The following GABBR2 variants were observed in gnomAD, a reference collection of about 807,000 sequenced individuals.
The protein encoded by GABBR2 is G-protein coupled receptor 51.
A neutral mutation model predicts 105.6 loss-of-function variants in GABBR2; 23 were observed. That is an observed-to-expected ratio of 0.22 (90% confidence interval 0.16 to 0.31). The LOEUF (loss-of-function observed/expected upper bound fraction) is 0.31, where lower values mean the gene tolerates loss of function less well. GABBR2 is among the 10% of genes least tolerant of loss of function. The pLI is 1.00. For missense variants in GABBR2, 734 were observed against 1,245.5 expected (o/e 0.59, Z 6.18); for synonymous variants, 478 against 499.7 (o/e 0.96, Z 0.58).
At chr9:98,512,512 T>C (rs1481834725) in intron 3 of GABBR2, among the ~76,000 whole-genome samples, 1 of 152,154 alleles carries the variant, frequency 6.6e-6, no homozygotes, top group Non-Finnish European at 1.5e-5. Context: ...GAAAACCCCA[T>C]CGTCTCAGCC....
At chr9:98,339,815 G>A (rs1221199783) in intron 13 of GABBR2, among the ~76,000 whole-genome samples, 1 of 152,172 alleles carries the variant, frequency 6.6e-6, no homozygotes, top group Non-Finnish European at 1.5e-5. Flanking sequence ...TCACATTCTA[G>A]TGAATGGTGT....
intron 12 of GABBR2, among the ~76,000 whole-genome samples, chr9:98,366,391 C>T (rs539227238): frequency 9.9e-5 from 15 of 152,256 alleles, no homozygotes; most frequent in Admixed American, 5.9e-4. Context: ...GAAATTTACA[C>T]CTTTACCATA....
chr9:98,646,788 T>C (rs761563507), intron 1 of GABBR2, among the ~76,000 whole-genome samples: 1 of 152,182 alleles, frequency 6.6e-6, no homozygotes, highest in Non-Finnish European at 1.5e-5. Context: ...GTCCCAAGGC[T>C]AGCAGAGTTC....
At position 98,288,839 on chromosome 9, in the gene GABBR2, A is replaced by G. The variant is rs1009189066; in HGVS notation, c.*1745T>C. ...AAATAGGGTGCTTTGAAATGTTGGCATTGGTAAGATTCCTGTGGGCCCTTT... is the reference window on the plus strand; with the variant it reads ...AAATAGGGTGCTTTGAAATGTTGGCGTTGGTAAGATTCCTGTGGGCCCTTT... On this transcript the variant is annotated 3_prime_UTR_variant, in exon 19 of 19. Coordinates refer to ENST00000259455, the MANE Select transcript of GABBR2 (RefSeq NM_005458.8). The G allele has an allele frequency of 6.6e-6, 1 of 152,606 alleles. No individual in the cohort carries two copies. Among genetic ancestry groups the G allele is most frequent in the African/African-American group, 2.4e-5 (1 of 41,440 alleles). 9.5% of individuals were successfully genotyped at this position (152,606 alleles called of 1,614,324 possible).
At chr9:98,509,013 A>G (rs2808564) in intron 3 of GABBR2, among the ~76,000 whole-genome samples, 7,286 of 152,308 alleles carry the variant, frequency 0.048, 261 homozygotes, top group South Asian at 0.13. Flanking sequence ...ACTGGGAGGC[A>G]CACCCCAGTA....
chr9:98,320,402 C>T (rs1487643683), intron 13 of GABBR2, among the ~76,000 whole-genome samples: 5 of 151,714 alleles, frequency 3.3e-5, no homozygotes, highest in Non-Finnish European at 4.4e-5. Context: ...AGTTCAACCA[C>T]TGTGGAAGTC....
At chr9:98,442,010 G>C (rs1424002143) in intron 7 of GABBR2, among the ~76,000 whole-genome samples, 1 of 152,202 alleles carries the variant, frequency 6.6e-6, no homozygotes, top group Non-Finnish European at 1.5e-5. Context: ...TTTCTCTTTG[G>C]TGCGTGCCTG....
intron 1 of GABBR2, among the ~76,000 whole-genome samples, chr9:98,694,028 G>T (rs1419341154): frequency 6.7e-6 from 1 of 149,648 alleles, no homozygotes; most frequent in Non-Finnish European, 1.5e-5. Flanking sequence ...ACACTGCCTG[G>T]CCCAGAACCC....
At chr9:98,591,352 C>T (rs1468840300) in intron 1 of GABBR2, among the ~76,000 whole-genome samples, 1 of 152,106 alleles carries the variant, frequency 6.6e-6, no homozygotes, top group African/African-American at 2.4e-5. Flanking sequence ...TGGGTGGGTT[C>T]GGACTGGCTT....
At chr9:98,480,340 A>G (rs890333818) in intron 5 of GABBR2, among the ~76,000 whole-genome samples, 1 of 152,150 alleles carries the variant, frequency 6.6e-6, no homozygotes, top group African/African-American at 2.4e-5. Context: ...ATTGGGGATC[A>G]GGTTAATGGG....
chr9:98,349,124 T>C (rs2131419606), intron 13 of GABBR2, among the ~76,000 whole-genome samples: 1 of 152,246 alleles, frequency 6.6e-6, no homozygotes, highest in East Asian at 1.9e-4. Context: ...TGTTGAATTT[T>C]TTTTTATCAT....
chr9:98,551,926 T>C (rs1450750725), intron 2 of GABBR2: 1 of 152,254 alleles, frequency 6.6e-6, no homozygotes, highest in Non-Finnish European at 1.5e-5. Flanking sequence ...CAAAAATCTA[T>C]GCTTCGCGAA....
At chr9:98,490,781 G>A (rs1433366628) in intron 4 of GABBR2, among the ~76,000 whole-genome samples, 1 of 152,160 alleles carries the variant, frequency 6.6e-6, no homozygotes, top group Non-Finnish European at 1.5e-5. Context: ...GAGTGCCCAG[G>A]ACGTGGTCTC....
At chr9:98,551,081 T>C (rs1828478516) in intron 2 of GABBR2, among the ~76,000 whole-genome samples, 1 of 152,174 alleles carries the variant, frequency 6.6e-6, no homozygotes, top group African/African-American at 2.4e-5. Flanking sequence ...AGAGTTTTTA[T>C]GAACACACGT....
chr9:98,416,340 A>G, intron 7 of GABBR2, among the ~76,000 whole-genome samples: 1 of 152,234 alleles, frequency 6.6e-6, no homozygotes, highest in East Asian at 1.9e-4. Flanking sequence ...AGGAGGCCAC[A>G]AATCAGCATG....
intron 1 of GABBR2, among the ~76,000 whole-genome samples, chr9:98,616,087 C>G (rs2131817643): frequency 6.6e-6 from 1 of 152,314 alleles, no homozygotes; most frequent in South Asian, 2.1e-4. Flanking sequence ...AACTGAGATT[C>G]AGAGAGGTTA....
chr9:98,348,754 CT>C (rs1477876580), intron 13 of GABBR2, among the ~76,000 whole-genome samples: 62 of 152,238 alleles, frequency 4.1e-4, no homozygotes, highest in African/African-American at 1.2e-3. Flanking sequence ...ATACTACTGA[CT>C]TTTACATCTT....
In GABBR2 at chr9:98,309,396, C is replaced by G. The variant is rs1185459322; in HGVS notation, c.2004+1699G>C. On this transcript the variant is annotated intron_variant, in intron 14 of 18. Coordinates refer to ENST00000259455, the MANE Select transcript of GABBR2 (RefSeq NM_005458.8). ...CAAGGAACATTAAGGATGGAAGGAT[C>G]ACGGAGACAGTCTAGATTCTCTCTA... Among the ~76,000 whole-genome samples the G allele has an allele frequency of 2.0e-5, 3 of 152,322 alleles. No individual in the cohort carries two copies. In the East Asian group the frequency reaches 5.8e-4, roughly 29 times the overall value.
intron 1 of GABBR2, among the ~76,000 whole-genome samples, chr9:98,609,667 A>T (rs1189526809): frequency 1.3e-5 from 2 of 152,214 alleles, no homozygotes; most frequent in Non-Finnish European, 2.9e-5. Context: ...GATGGTGCTC[A>T]GGGCCTCCAG....
Sources: allele counts gnomAD v4.1 joint callset (sites outside exome capture counted in the v4.1 genomes callset), GRCh38; gene constraint gnomAD v4.1.1; transcripts MANE v1.5; gene names NCBI Gene and HGNC (gene_info 2026-07-23, HGNC 2026-07-21).